ANK2: variants seen among roughly 807,000 people sequenced by gnomAD.
The protein encoded by ANK2 is ankyrin-2.
A neutral mutation model predicts 360.5 loss-of-function variants in ANK2; 83 were observed. The observed-to-expected ratio is 0.23, with a 90% CI of 0.19 to 0.28. The LOEUF is 0.28. Among genes scored for constraint, ANK2 ranks in the 10% least tolerant of loss-of-function variants. ANK2 has a pLI of 1.00. For synonymous variants in ANK2, 1,740 were observed against 1,759.5 expected, an observed-to-expected ratio of 0.99 and a Z score of 0.28; for missense variants, 4,201 against 4,795.7, an observed-to-expected ratio of 0.88 and a Z score of 3.66.
chr4:112,947,080 C>A (rs2094588646), intron 2 of ANK2, among the ~76,000 whole-genome samples: 1 of 152,156 alleles, frequency 6.6e-6, no homozygotes, highest in African/African-American at 2.4e-5. Context: ...ATGGGTATTG[C>A]ATGCTTGTTG....
Position 113,125,201 on chromosome 4 carries a change from A to C in ANK2, c.85-49215A>C, listed in dbSNP as rs1178558231. 2.0e-5 allele frequency among the ~76,000 whole-genome samples: 3 copies of C among 150,300 alleles called. No homozygotes were observed. In the Admixed American group the frequency reaches 2.0e-4, roughly 10 times the overall value. On this transcript the variant is annotated intron_variant, in intron 1 of 45. Coordinates refer to ENST00000357077, the MANE Select transcript of ANK2 (RefSeq NM_001148.6). Reference sequence around the variant, plus strand: ...ACCTCTCTTTGTGTATTTGAATGTAATTAATGATGGTTTTTCCAAAAGTCT... The same window carrying C: ...ACCTCTCTTTGTGTATTTGAATGTACTTAATGATGGTTTTTCCAAAAGTCT...
chr4:112,815,954 G>A (rs1247592138), upstream of ANK2, among the ~76,000 whole-genome samples: 1 of 152,136 alleles, frequency 6.6e-6, no homozygotes, highest in Non-Finnish European at 1.5e-5. Context: ...GTGTTTCCCT[G>A]AGTTCTGTGA....
chr4:113,252,990 T>C (rs1182698808), intron 10 of ANK2, among the ~76,000 whole-genome samples: 1 of 152,210 alleles, frequency 6.6e-6, no homozygotes, highest in Non-Finnish European at 1.5e-5. Context: ...TTCAAACTTA[T>C]GTAGACTTCT....
chr4:113,130,155 T>G (rs1306019950), intron 1 of ANK2, among the ~76,000 whole-genome samples: 1 of 152,196 alleles, frequency 6.6e-6, no homozygotes, highest in African/African-American at 2.4e-5. Flanking sequence ...CTTTGTCTTT[T>G]ATTTATCACA....
At chr4:112,872,192 T>A (rs1484536322) in intron 1 of ANK2, among the ~76,000 whole-genome samples, 2 of 152,074 alleles carry the variant, frequency 1.3e-5, no homozygotes, top group African/African-American at 4.8e-5. Context: ...ATGCCCCGGC[T>A]AATTTTTAAA....
chr4:112,767,490 G>T, the ANK2 span, among the ~76,000 whole-genome samples: 10 of 152,122 alleles, frequency 6.6e-5, no homozygotes, highest in South Asian at 1.7e-3. Flanking sequence ...GAATGCAGGA[G>T]ATCAAGGTTG....
At chr4:113,214,684 AG>A (rs2099066303) in intron 4 of ANK2, among the ~76,000 whole-genome samples, 1 of 152,180 alleles carries the variant, frequency 6.6e-6, no homozygotes, top group Admixed American at 6.5e-5. Context: ...TGAGCATGGT[AG>A]GTTAGGACTT....
chr4:113,115,852 T>C (rs1329515770), intron 1 of ANK2, among the ~76,000 whole-genome samples: 1 of 152,208 alleles, frequency 6.6e-6, no homozygotes, highest in Non-Finnish European at 1.5e-5. Flanking sequence ...ATATGTAGAC[T>C]CAGATTATAT....
At chr4:112,936,640 G>A (rs1051098105) in intron 2 of ANK2, among the ~76,000 whole-genome samples, 1 of 152,096 alleles carries the variant, frequency 6.6e-6, no homozygotes, top group Admixed American at 6.5e-5. Context: ...CACCACGCCC[G>A]GCCAGCATTA....
chr4:112,848,310 C>A (rs1053227005), intron 1 of ANK2, among the ~76,000 whole-genome samples: 1 of 152,102 alleles, frequency 6.6e-6, no homozygotes, highest in African/African-American at 2.4e-5. Context: ...CAGGTGCACA[C>A]CACCAAGCCC....
At position 113,357,440 on chromosome 4, in the gene ANK2, A is replaced by T. The variant is rs772258378; in HGVS notation, c.8822A>T (p.Glu2941Val). 6.2e-7 allele frequency: 1 copy of T among 1,614,138 alleles called. No homozygotes were observed. Residue 2941 changes from glutamate (E) to valine (V), a missense_variant, in exon 38 of 46, where the codon GAA becomes GTA. Glu to Val is a moderately radical substitution (Grantham distance 121). Coordinates refer to ENST00000357077, the MANE Select transcript of ANK2 (RefSeq NM_001148.6). ...TCCCAATCTTTTTTCTCTAGTGAAGAAAGCAAAACCCAAACAGATGCAAAT... is the reference window on the plus strand; with the variant it reads ...TCCCAATCTTTTTTCTCTAGTGAAGTAAGCAAAACCCAAACAGATGCAAAT... ...VPSQSFFSSE[E>V]SKTQTDANHT...
intron 2 of ANK2, among the ~76,000 whole-genome samples, chr4:112,905,373 A>G (rs2084848516): frequency 6.6e-6 from 1 of 152,214 alleles, no homozygotes; most frequent in Non-Finnish European, 1.5e-5. Context: ...CCAGAATGCC[A>G]AAAGAGGAGA....
Position 113,277,867 on chromosome 4 carries a change from A to G in ANK2, c.1714A>G (p.Lys572Glu). The change falls in exon 16 of 46, where the codon AAG (lysine) becomes GAG (glutamate). Residue 572 changes from lysine to glutamate, a missense_variant. This residue lies in a region of ANK2 where 1,268 missense variants were observed against 1,650.8 expected (regional missense o/e 0.77). Transcript: ENST00000357077. ...KGFTPLHVAA[K>E]YGSLDVAKLL... ...TTTTACTCCCCTGCATGTAGCAGCC[A>G]AGTATGGAAGCCTGGATGTGGCAAA... is the stretch of plus-strand genomic sequence containing the variant. 6.2e-7 allele frequency: 1 copy of G among 1,614,062 alleles called. No individual in the cohort carries two copies. The highest frequency in any genetic ancestry group is 8.5e-7 in the Non-Finnish European group (1 of 1,179,904).
intron 20 of ANK2, among the ~76,000 whole-genome samples, chr4:113,291,804 G>A (rs555596081): frequency 2.0e-5 from 3 of 152,292 alleles, no homozygotes; most frequent in South Asian, 2.1e-4. Context: ...AACCTCGCCC[G>A]ATTGTGGAGA....
intron 1 of ANK2, among the ~76,000 whole-genome samples, chr4:112,902,210 A>G (rs915782956): frequency 6.6e-6 from 1 of 152,214 alleles, no homozygotes; most frequent in Non-Finnish European, 1.5e-5. Context: ...GATCATCCCA[A>G]TGGGAGCTGG....
the ANK2 span, among the ~76,000 whole-genome samples, chr4:112,773,930 A>C: frequency 6.6e-6 from 1 of 152,178 alleles, no homozygotes; most frequent in African/African-American, 2.4e-5. Flanking sequence ...ACTCCCAAGT[A>C]GCTGGGACTA....
chr4:112,829,202 T>C (rs1376707460), intron 1 of ANK2, among the ~76,000 whole-genome samples: 6 of 152,116 alleles, frequency 3.9e-5, no homozygotes, highest in Non-Finnish European at 8.8e-5. Context: ...TAAAATGCAG[T>C]TTAAATCCAA....
chr4:112,797,183 A>C, the ANK2 span: 1 of 167,018 alleles, frequency 6.0e-6, no homozygotes, highest in African/African-American at 2.4e-5. Flanking sequence ...AGTGAGAACT[A>C]TTTTACCCAA....
At position 113,275,909 on chromosome 4, in the gene ANK2, G is replaced by A. The variant is rs111824364; in HGVS notation, c.1683+1260G>A. On this transcript the variant is annotated intron_variant, in intron 15 of 45. Transcript: ENST00000357077. ...AACTATATCCATGGTAAATTAGGGC[G>A]ATAAAATAGAATAAAATGTTAAACA... Among the ~76,000 whole-genome samples the A allele has an allele frequency of 4.4e-3, 651 of 148,018 alleles. 2 individuals carry two copies. Among genetic ancestry groups the A allele is most frequent in the African/African-American group, 0.011 (451 of 40,362 alleles).
Sources: gnomAD v4.1 joint callset for allele counts (sites outside exome capture counted in the v4.1 genomes callset) on GRCh38, gnomAD v4.1.1 for gene constraint, gnomAD v4.1.1 regional missense constraint, MANE v1.5 for transcripts, NCBI Gene and HGNC (gene_info 2026-07-23, HGNC 2026-07-21) for gene names.